KIAA1217: variants seen among roughly 807,000 people sequenced by gnomAD.
KIAA1217 encodes KIAA1217.
A neutral mutation model predicts 163.9 loss-of-function variants in KIAA1217; 88 were observed. The ratio of observed to expected loss-of-function variants is 0.54; its 90% CI spans 0.45 to 0.64. The LOEUF (loss-of-function observed/expected upper bound fraction) is 0.64, where lower values mean the gene tolerates loss of function less well. Ranked by LOEUF, KIAA1217 falls within the 30% of genes least tolerant of loss-of-function variation. The pLI, the probability that KIAA1217 is intolerant of heterozygous loss-of-function variation, is 0.00. For missense variants in KIAA1217, 2,372 were observed against 2,475.0 expected (o/e 0.96, Z 0.88); for synonymous variants, 903 against 923.1 (o/e 0.98, Z 0.39).
At chr10:24,482,724 A>G (rs1309396661) in intron 6 of KIAA1217, 1 of 152,220 alleles carries the variant, frequency 6.6e-6, no homozygotes, top group Admixed American at 6.5e-5. Flanking sequence ...ACAGATCTTA[A>G]AAAGTCTGTA....
At chr10:24,017,159 C>A (rs1458341540) in intron 2 of KIAA1217, among the ~76,000 whole-genome samples, 1 of 150,892 alleles carries the variant, frequency 6.6e-6, no homozygotes, top group Non-Finnish European at 1.5e-5. Flanking sequence ...CTCAAGTGAA[C>A]CTCCCACCTT....
At chr10:23,937,164 C>A (rs1310491084) in intron 1 of KIAA1217, among the ~76,000 whole-genome samples, 1 of 152,176 alleles carries the variant, frequency 6.6e-6, no homozygotes, top group African/African-American at 2.4e-5. Flanking sequence ...CATGAGCCAC[C>A]ATGCCTGGCC....
intron 5 of KIAA1217, among the ~76,000 whole-genome samples, chr10:24,455,884 A>G (rs927366882): frequency 4.6e-5 from 7 of 152,108 alleles, no homozygotes; most frequent in African/African-American, 1.4e-4. Flanking sequence ...GGAATGAGGA[A>G]AAGTACTTTT....
intron 5 of KIAA1217, among the ~76,000 whole-genome samples, chr10:24,452,679 CA>C (rs1331069997): frequency 0.18 from 11,375 of 64,156 alleles, 328 homozygotes; most frequent in African/African-American, 0.23. Flanking sequence ...AAGACTGTCT[CA>C]AAAAAAAAAA....
intron 2 of KIAA1217, among the ~76,000 whole-genome samples, chr10:24,262,338 T>A (rs1220963159): frequency 1.3e-5 from 2 of 151,958 alleles, no homozygotes; most frequent in Admixed American, 1.3e-4. Flanking sequence ...TCTTTAAGAG[T>A]CAATATTGGC....
intron 1 of KIAA1217, among the ~76,000 whole-genome samples, chr10:23,893,201 C>G (rs1332908302): frequency 1.3e-5 from 2 of 152,026 alleles, no homozygotes; most frequent in Admixed American, 1.3e-4. Context: ...GATTCAACCT[C>G]TTCCTGGTTT....
intron 1 of KIAA1217, among the ~76,000 whole-genome samples, chr10:23,926,953 C>G (rs929852402): frequency 1.3e-5 from 2 of 151,822 alleles, no homozygotes; most frequent in Admixed American, 1.3e-4. Flanking sequence ...TGTTGCCCAG[C>G]CTGGAGTGCA....
intron 2 of KIAA1217, among the ~76,000 whole-genome samples, chr10:24,047,756 A>G (rs1849146143): frequency 6.6e-6 from 1 of 152,164 alleles, no homozygotes; most frequent in Non-Finnish European, 1.5e-5. Context: ...CCACCTCTAT[A>G]TTAATACTTG....
chr10:24,380,188 C>T (rs928997330), intron 2 of KIAA1217, among the ~76,000 whole-genome samples: 6 of 152,096 alleles, frequency 3.9e-5, no homozygotes, highest in Non-Finnish European at 7.4e-5. Context: ...ATCTAGGGTG[C>T]GTAGAAGAGT....
intron 2 of KIAA1217, among the ~76,000 whole-genome samples, chr10:24,091,649 A>G (rs991952920): frequency 9.2e-5 from 14 of 151,910 alleles, no homozygotes; most frequent in Admixed American, 7.2e-4. Context: ...TGTGAACATC[A>G]TAAGAGTGTT....
At chr10:24,407,662 C>T (rs1392875837) in intron 3 of KIAA1217, among the ~76,000 whole-genome samples, 1 of 152,078 alleles carries the variant, frequency 6.6e-6, no homozygotes, top group Non-Finnish European at 1.5e-5. Context: ...AAAGAAGAAA[C>T]TCATCAAAAC....
chr10:24,204,418 C>T (rs1317310404), upstream of KIAA1217, among the ~76,000 whole-genome samples: 2 of 152,188 alleles, frequency 1.3e-5, no homozygotes, highest in East Asian at 3.9e-4. Flanking sequence ...GTTAGTGGGG[C>T]TTGTAATACG....
At chr10:24,259,230 T>C (rs780664483) in intron 2 of KIAA1217, among the ~76,000 whole-genome samples, 3 of 152,050 alleles carry the variant, frequency 2.0e-5, no homozygotes, top group Non-Finnish European at 4.4e-5. Context: ...TTTTACAAAA[T>C]AGATGTGGGC....
chr10:24,521,657 G>A, intron 11 of KIAA1217, 125 bp from the exon 12 acceptor site: 1 of 1,166,728 alleles, frequency 8.6e-7, no homozygotes, highest in Non-Finnish European at 1.2e-6. Flanking sequence ...ACTGCCACCT[G>A]AAGATGTGTG....
chr10:24,482,181 C>A (rs1205870954), intron 6 of KIAA1217: 4 of 152,186 alleles, frequency 2.6e-5, no homozygotes, highest in African/African-American at 9.7e-5. Context: ...ATAGCAGCCA[C>A]AAGGTCTGTG....
At chr10:24,253,061 G>A (rs890234000) in intron 2 of KIAA1217, among the ~76,000 whole-genome samples, 4 of 152,000 alleles carry the variant, frequency 2.6e-5, no homozygotes, top group Admixed American at 2.6e-4. Flanking sequence ...GCCGGGCAAA[G>A]AGTGAGCAAG....
At chr10:24,111,469 G>GA (rs550550665) in intron 2 of KIAA1217, among the ~76,000 whole-genome samples, 19 of 150,756 alleles carry the variant, frequency 1.3e-4, no homozygotes, top group East Asian at 3.9e-4. Flanking sequence ...CATTTTGGGG[G>GA]AAAAAAAAAT....
intron 2 of KIAA1217, among the ~76,000 whole-genome samples, chr10:24,294,350 G>A (rs2079467612): frequency 6.6e-6 from 1 of 151,886 alleles, no homozygotes; most frequent in Non-Finnish European, 1.5e-5. Context: ...TTAAATTATC[G>A]ATGTGATTGC....
Position 23,964,571 on chromosome 10 carries a change from AT to A in KIAA1217, c.-320-42643del, listed in dbSNP as rs199752247. ...TGGTAGAACACTATGTAACAGTTGA[AT>A]TTTTTTTTTTGTCTTGCTCTGTCGC... On this transcript the variant is annotated intron_variant, in intron 1 of 18. Coordinates refer to the KIAA1217 transcript ENST00000376462. 2.7e-3 allele frequency among the ~76,000 whole-genome samples: 388 copies of A among 145,564 alleles called. 1 individual carries two copies. The highest frequency in any genetic ancestry group is 0.012 in the Admixed American group (169 of 14,588).
Sources: gnomAD v4.1 joint callset for allele counts (sites outside exome capture counted in the v4.1 genomes callset) on GRCh38, gnomAD v4.1.1 for gene constraint, MANE v1.5 for transcripts, NCBI Gene and HGNC (gene_info 2026-07-23, HGNC 2026-07-21) for gene names.